The following EHD3 variants were observed in gnomAD, a reference collection of about 807,000 sequenced individuals.
EHD3 encodes the protein EH domain-containing protein 3.
In EHD3, 17 loss-of-function variants were observed where a neutral mutation model predicts 43.0. The observed-to-expected ratio is 0.40, with a 90% CI of 0.27 to 0.59. The LOEUF (loss-of-function observed/expected upper bound fraction) is 0.59. EHD3 is among the 20% of genes least tolerant of loss of function. The probability of loss-of-function intolerance (pLI) is 0.49; values close to 1 mark genes in which losing one functional copy is unlikely to be tolerated. For missense variants in EHD3, 594 were observed against 705.6 expected, an observed-to-expected ratio of 0.84 and a Z score of 1.79; for synonymous variants, 313 against 289.5, an observed-to-expected ratio of 1.08 and a Z score of -0.82.
At chr2:31,251,882 C>G (rs968299781) in intron 3 of EHD3, among the ~76,000 whole-genome samples, 23 of 152,192 alleles carry the variant, frequency 1.5e-4, no homozygotes, top group Non-Finnish European at 3.4e-4. Context: ...TTCCCAACCC[C>G]AAGTGGTTCA....
chr2:31,247,765 G>A (rs1683554419), intron 2 of EHD3, among the ~76,000 whole-genome samples: 1 of 152,196 alleles, frequency 6.6e-6, no homozygotes, highest in African/African-American at 2.4e-5. Flanking sequence ...CAGGCCTGAC[G>A]AGGCCTTTGT....
chr2:31,249,225 C>T (rs542427867), intron 2 of EHD3, 146 bp from the exon 3 acceptor site: 4 of 699,654 alleles, frequency 5.7e-6, no homozygotes, highest in Non-Finnish European at 9.9e-6. Flanking sequence ...TCAGCCACAC[C>T]CTGAACTGGG....
At chr2:31,256,027 G>A (rs1429061398) in intron 3 of EHD3, among the ~76,000 whole-genome samples, 1 of 152,160 alleles carries the variant, frequency 6.6e-6, no homozygotes, top group Non-Finnish European at 1.5e-5. Flanking sequence ...ATTGTGAACC[G>A]AGAAAGGAAG....
chr2:31,265,903 A>C (rs966402917), intron 5 of EHD3, among the ~76,000 whole-genome samples: 1 of 152,142 alleles, frequency 6.6e-6, no homozygotes, highest in African/African-American at 2.4e-5. Flanking sequence ...GATCATGCCA[A>C]TACTTGTTAA....
intron 1 of EHD3, among the ~76,000 whole-genome samples, chr2:31,238,508 G>A (rs977044605): frequency 2.6e-5 from 4 of 152,368 alleles, no homozygotes; most frequent in Admixed American, 2.0e-4. Flanking sequence ...CCTAAGGCCC[G>A]GCAACACAGA....
chr2:31,264,936 T>A (rs1683918463), intron 5 of EHD3, among the ~76,000 whole-genome samples: 1 of 152,200 alleles, frequency 6.6e-6, no homozygotes, highest in African/African-American at 2.4e-5. Flanking sequence ...TTTTTTCTAT[T>A]TAAAAAAATT....
intron 3 of EHD3, among the ~76,000 whole-genome samples, chr2:31,252,432 T>C (rs1283035866): frequency 6.6e-6 from 1 of 152,200 alleles, no homozygotes; most frequent in Non-Finnish European, 1.5e-5. Flanking sequence ...TCCTATCCTA[T>C]TCTATTCTTT....
In EHD3 at chr2:31,266,383, G is replaced by T. The variant is rs145503265; in HGVS notation, c.1287G>T (p.Gly429=). The change falls in exon 6 of 6, where the codon GGG becomes GGT. Residue 429 remains glycine, a synonymous_variant. Coordinates refer to ENST00000322054, the MANE Select transcript of EHD3 (RefSeq NM_014600.3). The surrounding 1 kb of genome is among the most constrained non-coding windows in gnomAD (Gnocchi z 5.1). ...HGPFGHGYGE[G]AGEGIDDAEW... ...CCTTTGGGCATGGCTATGGGGAGGG[G>T]GCTGGAGAAGGTATCGATGATGCTG... is the stretch of plus-strand genomic sequence containing the variant. 386 of 1,614,144 alleles carry T rather than the reference G, an allele frequency of 2.4e-4. 1 individual carries two copies. In the African/African-American group the frequency reaches 4.6e-3, roughly 19 times the overall value.
rs868125848 is a variant in EHD3, at chr2:31,244,212, A to G, written c.228-62A>G. 82 of 1,531,820 alleles carry G rather than the reference A, an allele frequency of 5.4e-5. No homozygotes were observed. The Middle Eastern group carries it at 5.2e-3, about 97-fold the overall frequency. 94.9% of individuals were successfully genotyped at this position (1,531,820 alleles called of 1,614,324 possible). A position where few individuals can be genotyped will look rare whatever the true frequency, so the allele number is the denominator to read the frequency against. The stretch of plus-strand genomic sequence containing the variant: ...ACTCGCATGTTGTCTGCCTTATAGT[A>G]GACATGCCGTGTTGATCTTTGCGCA... On this transcript the variant is annotated intron_variant, in intron 1 of 5. Coordinates refer to ENST00000322054, the MANE Select transcript of EHD3 (RefSeq NM_014600.3).
intron 2 of EHD3, among the ~76,000 whole-genome samples, chr2:31,245,553 A>ATATATATATATATATATATATT (rs1446415610): frequency 2.9e-5 from 1 of 35,048 alleles, no homozygotes; most frequent in African/African-American, 9.0e-5. Flanking sequence ...ATATATATAT[A>ATATATATATATATATATATATT]TTTTTTTTTT....
chr2:31,268,341 G>A lies in EHD3; in HGVS notation c.*1637G>A. ...ATGCATCTATGACGTGCTTACTACTGCAGTGCATTTGTCATTAGTCTTCAT... is the reference window on the plus strand; with the variant it reads ...ATGCATCTATGACGTGCTTACTACTACAGTGCATTTGTCATTAGTCTTCAT... On this transcript the variant is annotated 3_prime_UTR_variant, in exon 6 of 6. Transcript: ENST00000322054. The A allele has an allele frequency of 6.5e-6, 1 of 152,796 alleles. No individual in the cohort carries two copies. Among genetic ancestry groups the A allele is most frequent in the Non-Finnish European group, 1.5e-5 (1 of 68,046 alleles). The allele number at this position is 152,796 out of a possible 1,614,324, so 9.5% of individuals were successfully genotyped here.
Position 31,266,075 on chromosome 2 carries a change from G to A in EHD3, c.1081-102G>A, listed in dbSNP as rs1683943059. 1.4e-6 allele frequency: 2 copies of A among 1,405,058 alleles called. No individual in the cohort carries two copies. Among genetic ancestry groups the A allele is most frequent in the Admixed American group, 4.6e-5 (2 of 43,668 alleles). The allele number at this position is 1,405,058 out of a possible 1,614,324, so 87.0% of individuals were successfully genotyped here. A position where few individuals can be genotyped will look rare whatever the true frequency, so the allele number is the denominator to read the frequency against. ...GTCACAGGTCTTTCATTGTAGAAAG[G>A]GATCAGCTGTGAACATTCTGGTGCT... On this transcript the variant is annotated intron_variant, in intron 5 of 5. Coordinates refer to ENST00000322054, the MANE Select transcript of EHD3 (RefSeq NM_014600.3). This position sits in a 1 kb window ranked among gnomAD's most constrained non-coding sequence, Gnocchi z 5.1.
chr2:31,244,528 A>G (rs1473729240), intron 2 of EHD3, 78 bp downstream of exon 2: 1 of 1,509,180 alleles, frequency 6.6e-7, no homozygotes, highest in African/African-American at 1.4e-5. Flanking sequence ...AACAGTAGGC[A>G]GGGTCTTGGG....
At chr2:31,242,895 G>C (rs905629016) in intron 1 of EHD3, among the ~76,000 whole-genome samples, 73 of 152,156 alleles carry the variant, frequency 4.8e-4, no homozygotes, top group African/African-American at 1.7e-3. Context: ...GGGAGGCGGA[G>C]GTTGCAGTGA....
intron 1 of EHD3, 40 bp from the exon 2 acceptor site, chr2:31,244,234 C>T (rs368071596): frequency 1.4e-5 from 22 of 1,582,504 alleles, no homozygotes; most frequent in Non-Finnish European, 1.6e-5. Context: ...TTGATCTTTG[C>T]GCAGAACGCC....
chr2:31,247,603 A>G (rs1283350270), intron 2 of EHD3, among the ~76,000 whole-genome samples: 2 of 152,158 alleles, frequency 1.3e-5, no homozygotes, highest in Non-Finnish European at 2.9e-5. Flanking sequence ...CTTCCCAGGT[A>G]TCTTACTAAG....
rs1437491148 is a variant in EHD3 at position 31,260,566 on chromosome 2, C to T, written c.559C>T (p.Leu187=). 2 of 1,614,056 alleles carry T rather than the reference C, an allele frequency of 1.2e-6. No homozygotes were observed. Among genetic ancestry groups the T allele is most frequent in the Non-Finnish European group, 1.7e-6 (2 of 1,179,924 alleles). Residue 187 remains leucine, a synonymous_variant, in exon 4 of 6, where the codon CTG becomes TTG. Coordinates refer to ENST00000322054, the MANE Select transcript of EHD3 (RefSeq NM_014600.3). This position sits in a 1 kb window ranked among gnomAD's most constrained non-coding sequence, Gnocchi z 4.6. The stretch of plus-strand genomic sequence containing the variant: ...TGCCGAGCGGGTTGACCGCATCATT[C>T]TGCTCTTCGATGCCCACAAACTGGA... ...WFAERVDRII[L]LFDAHKLDIS... is the part of the protein sequence containing the mutation.
chr2:31,238,783 C>G (rs771545275), intron 1 of EHD3, among the ~76,000 whole-genome samples: 6 of 152,164 alleles, frequency 3.9e-5, no homozygotes, highest in Non-Finnish European at 8.8e-5. Flanking sequence ...GCTGGCTGCT[C>G]CAGGGGCTGA....
At chr2:31,259,528 C>T (rs1463759488) in intron 3 of EHD3, among the ~76,000 whole-genome samples, 1 of 152,146 alleles carries the variant, frequency 6.6e-6, no homozygotes, top group Non-Finnish European at 1.5e-5. Flanking sequence ...CCAGTCTGAC[C>T]TAAAGCAGCT....
Sources: allele counts gnomAD v4.1 joint callset (sites outside exome capture counted in the v4.1 genomes callset), GRCh38; gene constraint gnomAD v4.1.1; non-coding constraint Gnocchi (gnomAD v3.1); transcripts MANE v1.5; gene names NCBI Gene and HGNC (gene_info 2026-07-23, HGNC 2026-07-21).